The following PLPPR1 variants were observed in gnomAD, a reference collection of about 807,000 sequenced individuals.
PLPPR1 encodes phospholipid phosphatase-related protein type 1.
A neutral mutation model predicts 33.1 loss-of-function variants in PLPPR1; 10 were observed. The observed-to-expected ratio is 0.30, with a 90% CI of 0.19 to 0.51. The LOEUF (loss-of-function observed/expected upper bound fraction) is 0.51, where lower values mean the gene tolerates loss of function less well. Ranked by LOEUF, PLPPR1 falls within the 20% of genes least tolerant of loss-of-function variation. PLPPR1 has a pLI of 0.97. For missense variants in PLPPR1, 304 were observed against 408.1 expected, an observed-to-expected ratio of 0.74 and a Z score of 2.20; for synonymous variants, 151 against 151.0, an observed-to-expected ratio of 1.00 and a Z score of 0.00.
chr9:101,275,213 G>A (rs968291314), intron 3 of PLPPR1, among the ~76,000 whole-genome samples: 3 of 152,162 alleles, frequency 2.0e-5, no homozygotes, highest in Non-Finnish European at 4.4e-5. Context: ...TCTGTCCTTG[G>A]TTTTCTGTGC....
intron 1 of PLPPR1, among the ~76,000 whole-genome samples, chr9:101,051,295 C>CACTACCACT (rs1042874982): frequency 6.6e-6 from 1 of 151,542 alleles, no homozygotes; most frequent in Middle Eastern, 3.2e-3. Flanking sequence ...CTACTACTAC[C>CACTACCACT]ACTACCACTA....
intron 1 of PLPPR1, among the ~76,000 whole-genome samples, chr9:101,034,870 A>T (rs1313684366): frequency 1.3e-5 from 2 of 152,176 alleles, no homozygotes; most frequent in Non-Finnish European, 2.9e-5. Context: ...TCCTAAGTGC[A>T]GAAATTAAAT....
At chr9:101,125,068 C>G (rs951814638) in intron 1 of PLPPR1, among the ~76,000 whole-genome samples, 4 of 152,200 alleles carry the variant, frequency 2.6e-5, no homozygotes, top group African/African-American at 9.6e-5. Context: ...CTTGTCTGTC[C>G]CTGCAAATCT....
At chr9:101,142,683 A>C (rs1831466487) in intron 1 of PLPPR1, among the ~76,000 whole-genome samples, 1 of 152,110 alleles carries the variant, frequency 6.6e-6, no homozygotes, top group South Asian at 2.1e-4. Context: ...CACTCTCTTG[A>C]ATCTGTCTCC....
chr9:101,230,077 G>T (rs777444340), intron 2 of PLPPR1, among the ~76,000 whole-genome samples: 1 of 151,976 alleles, frequency 6.6e-6, no homozygotes, highest in Non-Finnish European at 1.5e-5. Context: ...CCCTCTCCTG[G>T]AACCAATCCA....
intron 4 of PLPPR1, among the ~76,000 whole-genome samples, chr9:101,291,567 C>G (rs547592009): frequency 6.6e-6 from 1 of 152,200 alleles, no homozygotes; most frequent in South Asian, 2.1e-4. Context: ...ACACCTCACA[C>G]GGCCGGGTAC....
chr9:101,309,805 C>A (rs1017449648), intron 5 of PLPPR1, among the ~76,000 whole-genome samples: 3 of 149,928 alleles, frequency 2.0e-5, no homozygotes, highest in Non-Finnish European at 3.0e-5. Context: ...GATTTTCTTA[C>A]CTCCCACAAC....
intron 6 of PLPPR1, among the ~76,000 whole-genome samples, chr9:101,316,158 C>T (rs762223326): frequency 3.9e-5 from 6 of 151,976 alleles, no homozygotes; most frequent in Non-Finnish European, 7.4e-5. Flanking sequence ...GTAGGGTCCT[C>T]GGGCGCGGTG....
At chr9:101,066,461 G>C (rs1588014183) in intron 1 of PLPPR1, among the ~76,000 whole-genome samples, 1 of 151,998 alleles carries the variant, frequency 6.6e-6, no homozygotes, top group East Asian at 1.9e-4. Flanking sequence ...CCTTCATGGG[G>C]TGGGGGTGGG....
chr9:101,153,773 C>T (rs1288386837), intron 1 of PLPPR1, among the ~76,000 whole-genome samples: 12 of 148,346 alleles, frequency 8.1e-5, no homozygotes, highest in South Asian at 4.3e-4. Context: ...TTAGTAGAGA[C>T]GGGGTTTCAC....
chr9:101,270,712 A>G (rs1411758197), intron 3 of PLPPR1, among the ~76,000 whole-genome samples: 2 of 152,198 alleles, frequency 1.3e-5, no homozygotes, highest in Non-Finnish European at 2.9e-5. Context: ...AAGTTTGCAG[A>G]TCTGTGTTAC....
chr9:101,302,566 A>T (rs892223846), intron 4 of PLPPR1, among the ~76,000 whole-genome samples: 3 of 152,166 alleles, frequency 2.0e-5, no homozygotes, highest in African/African-American at 7.2e-5. Context: ...AGTAAACTGT[A>T]TGTGTTTCTT....
At chr9:101,131,570 G>A (rs1399661829) in intron 1 of PLPPR1, 2 of 152,152 alleles carry the variant, frequency 1.3e-5, no homozygotes, top group Non-Finnish European at 2.9e-5. Context: ...CGTCGTGAGC[G>A]GGGAGCCCAC....
intron 1 of PLPPR1, among the ~76,000 whole-genome samples, chr9:101,129,856 A>G (rs899999491): frequency 6.6e-5 from 10 of 152,136 alleles, no homozygotes; most frequent in Non-Finnish European, 1.0e-4. Flanking sequence ...AATAAAAGGG[A>G]AAAAAATTCA....
chr9:101,186,466 G>A (rs532350647), intron 2 of PLPPR1, among the ~76,000 whole-genome samples: 40 of 151,658 alleles, frequency 2.6e-4, no homozygotes, highest in African/African-American at 9.7e-4. Context: ...TCTTTCTTAC[G>A]GCATCTTTTA....
At chr9:101,124,568 A>G (rs1831221465) in intron 1 of PLPPR1, among the ~76,000 whole-genome samples, 1 of 152,232 alleles carries the variant, frequency 6.6e-6, no homozygotes, top group Admixed American at 6.5e-5. Context: ...ACAGAAGCAA[A>G]AACATTTTTG....
intron 6 of PLPPR1, among the ~76,000 whole-genome samples, chr9:101,314,520 C>G (rs1829017088): frequency 6.6e-6 from 1 of 151,740 alleles, no homozygotes; most frequent in Admixed American, 6.6e-5. Flanking sequence ...GCTAGGCACA[C>G]AATTTTTTGG....
At chr9:101,120,396 A>G (rs978932515) in intron 1 of PLPPR1, among the ~76,000 whole-genome samples, 6 of 152,182 alleles carry the variant, frequency 3.9e-5, no homozygotes, top group Non-Finnish European at 8.8e-5. Flanking sequence ...GGCCAATTGT[A>G]TCTTATCAAT....
chr9:101,223,845 C>T (rs1827004628), intron 2 of PLPPR1, among the ~76,000 whole-genome samples: 1 of 152,080 alleles, frequency 6.6e-6, no homozygotes, highest in South Asian at 2.1e-4. Flanking sequence ...CAAACCAATA[C>T]AAATATATAT....
Sources: gnomAD v4.1 joint callset for allele counts (sites outside exome capture counted in the v4.1 genomes callset) on GRCh38, gnomAD v4.1.1 for gene constraint, MANE v1.5 for transcripts, NCBI Gene and HGNC (gene_info 2026-07-23, HGNC 2026-07-21) for gene names.